SLC22A3: variants seen among roughly 807,000 people sequenced by gnomAD.
SLC22A3 encodes the protein EMT organic cation transporter 3.
In SLC22A3, 51 loss-of-function variants were observed where a neutral mutation model predicts 59.1. The ratio of observed to expected loss-of-function variants is 0.86; its 90% CI spans 0.69 to 1.09. The LOEUF is 1.09. Among genes scored for constraint, SLC22A3 ranks in the 50% least tolerant of loss-of-function variants. The probability of loss-of-function intolerance (pLI) is 0.00; values close to 1 mark genes in which losing one functional copy is unlikely to be tolerated. For missense variants in SLC22A3, 711 were observed against 726.3 expected (o/e 0.98, Z 0.24); for synonymous variants, 325 against 292.0 (o/e 1.11, Z -1.15).
intron 1 of SLC22A3, among the ~76,000 whole-genome samples, chr6:160,357,896 A>T (rs1784894966): frequency 6.6e-6 from 1 of 152,206 alleles, no homozygotes; most frequent in African/African-American, 2.4e-5. Context: ...GTTAGTGGGA[A>T]ATTATGTGAC....
chr6:160,354,930 G>A (rs1179525025), intron 1 of SLC22A3, among the ~76,000 whole-genome samples: 1 of 152,172 alleles, frequency 6.6e-6, no homozygotes, highest in Non-Finnish European at 1.5e-5. Flanking sequence ...GTGATGTTGG[G>A]GAAGTGAATG....
chr6:160,447,042 A>T (rs775057682), intron 9 of SLC22A3, among the ~76,000 whole-genome samples: 5 of 152,228 alleles, frequency 3.3e-5, no homozygotes, highest in Non-Finnish European at 5.9e-5. Flanking sequence ...CCAGCACACC[A>T]CTAGGCTACA....
intron 1 of SLC22A3, among the ~76,000 whole-genome samples, chr6:160,397,603 G>A (rs529389022): frequency 3.0e-4 from 46 of 151,734 alleles, no homozygotes; most frequent in African/African-American, 9.7e-4. Flanking sequence ...GCGTGGTGGC[G>A]CACACCTGTA....
intron 1 of SLC22A3, among the ~76,000 whole-genome samples, chr6:160,376,565 T>C (rs1296184965): frequency 6.6e-6 from 1 of 152,208 alleles, no homozygotes; most frequent in Non-Finnish European, 1.5e-5. Flanking sequence ...ATTTTAGAGT[T>C]GAAGCATGCC....
intron 5 of SLC22A3, among the ~76,000 whole-genome samples, chr6:160,429,557 C>T (rs1788077228): frequency 6.6e-6 from 1 of 152,116 alleles, no homozygotes; most frequent in South Asian, 2.1e-4. Context: ...GGTGGGATTG[C>T]TGTTCCTTGA....
At chr6:160,394,256 C>T (rs952335764) in intron 1 of SLC22A3, among the ~76,000 whole-genome samples, 3 of 152,214 alleles carry the variant, frequency 2.0e-5, no homozygotes, top group East Asian at 3.8e-4. Context: ...AATGATCTCC[C>T]ATTGACAAGA....
intron 5 of SLC22A3, among the ~76,000 whole-genome samples, chr6:160,430,988 A>G (rs1237162351): frequency 2.6e-5 from 4 of 152,196 alleles, no homozygotes; most frequent in Admixed American, 1.3e-4. Flanking sequence ...GGATCATGGA[A>G]AGGGTCCGTA....
At chr6:160,433,825 TGAGTGA>T (rs1161252170) in intron 5 of SLC22A3, among the ~76,000 whole-genome samples, 2 of 152,160 alleles carry the variant, frequency 1.3e-5, no homozygotes, top group Admixed American at 1.3e-4. Context: ...ACTGGAAACT[TGAGTGA>T]GAGTGAATTT....
At position 160,393,547 on chromosome 6, in the gene SLC22A3, T is replaced by C. The variant is rs184600024; in HGVS notation, c.430-4432T>C. 3.3e-5 allele frequency among the ~76,000 whole-genome samples: 5 copies of C among 151,622 alleles called. No homozygotes were observed. The East Asian group carries it at 9.7e-4, about 30-fold the overall frequency. Reference sequence around the variant, plus strand: ...GAGTGAGAACATGCGGTGTTTGGTATTTTGTCCTTGTGATAGTTTGCTGAG... The same window carrying C: ...GAGTGAGAACATGCGGTGTTTGGTACTTTGTCCTTGTGATAGTTTGCTGAG... On this transcript the variant is annotated intron_variant, in intron 1 of 10. Coordinates refer to ENST00000275300, the MANE Select transcript of SLC22A3 (RefSeq NM_021977.4).
chr6:160,387,844 T>C (rs1427356920), intron 1 of SLC22A3, among the ~76,000 whole-genome samples: 1 of 152,346 alleles, frequency 6.6e-6, no homozygotes, highest in East Asian at 1.9e-4. Flanking sequence ...TTCACCCTTG[T>C]CCTGGAGATA....
chr6:160,385,131 A>G (rs1785951145), intron 1 of SLC22A3, among the ~76,000 whole-genome samples: 1 of 152,220 alleles, frequency 6.6e-6, no homozygotes, highest in Non-Finnish European at 1.5e-5. Flanking sequence ...TCAATGCAGC[A>G]GACTCTTGTG....
At chr6:160,450,336 G>A (rs1298182719) in intron 10 of SLC22A3, among the ~76,000 whole-genome samples, 2 of 152,108 alleles carry the variant, frequency 1.3e-5, no homozygotes, top group Non-Finnish European at 2.9e-5. Flanking sequence ...CCATTTATAG[G>A]CTCTCTGCAA....
chr6:160,378,633 C>A (rs1785683071), intron 1 of SLC22A3, among the ~76,000 whole-genome samples: 1 of 152,260 alleles, frequency 6.6e-6, no homozygotes, highest in Non-Finnish European at 1.5e-5. Flanking sequence ...GGGATCACAT[C>A]CAGATACACC....
chr6:160,426,300 A>G (rs2114893968), intron 5 of SLC22A3: 1 of 985,398 alleles, frequency 1.0e-6, no homozygotes, highest in African/African-American at 1.7e-5. Flanking sequence ...CCGAGATGAC[A>G]GTGGTTTTGG....
intron 5 of SLC22A3, chr6:160,426,072 G>A: frequency 8.1e-6 from 8 of 985,422 alleles, no homozygotes; most frequent in Non-Finnish European, 9.6e-6. Context: ...TCAAGAACCA[G>A]AAAAGTAAGC....
chr6:160,369,694 T>C (rs1785331815), intron 1 of SLC22A3, among the ~76,000 whole-genome samples: 1 of 152,172 alleles, frequency 6.6e-6, no homozygotes. Context: ...TAGCATTTTG[T>C]TGTATTTTAT....
intron 1 of SLC22A3, among the ~76,000 whole-genome samples, chr6:160,354,484 G>C (rs1413004599): frequency 6.6e-6 from 1 of 152,172 alleles, no homozygotes; most frequent in African/African-American, 2.4e-5. Flanking sequence ...CCCTGGAGCT[G>C]TAAGTTTGCT....
At chr6:160,425,686 GTT>G (rs1220949957) in intron 5 of SLC22A3, among the ~76,000 whole-genome samples, 1 of 152,070 alleles carries the variant, frequency 6.6e-6, no homozygotes, top group Non-Finnish European at 1.5e-5. Flanking sequence ...ACTACAGTGT[GTT>G]TTAATTTTGA....
chr6:160,432,115 C>G (rs1276592097), intron 5 of SLC22A3, among the ~76,000 whole-genome samples: 1 of 152,302 alleles, frequency 6.6e-6, no homozygotes, highest in East Asian at 1.9e-4. Context: ...GACTTAAAAG[C>G]AATGAAGGAC....
Sources: gnomAD v4.1 joint callset for allele counts (sites outside exome capture counted in the v4.1 genomes callset) on GRCh38, gnomAD v4.1.1 for gene constraint, MANE v1.5 for transcripts, NCBI Gene and HGNC (gene_info 2026-07-23, HGNC 2026-07-21) for gene names.